Variants in UGT2B17 observed in about 807,000 individuals in gnomAD.
UGT2B17 encodes UDP glucuronosyltransferase family 2 member B17.
A neutral mutation model predicts 48.2 loss-of-function variants in UGT2B17; 21 were observed. That is an observed-to-expected ratio of 0.44 (90% CI 0.31 to 0.63). The LOEUF is 0.63. Among genes scored for constraint, UGT2B17 ranks in the 20% least tolerant of loss-of-function variants. UGT2B17 has a pLI of 0.08. For missense variants in UGT2B17, 402 were observed against 696.1 expected (o/e 0.58, Z 4.75); for synonymous variants, 146 against 238.4 (o/e 0.61, Z 3.57).
chr4:68,538,466 CCT>C (rs1185689010), intron 6 of UGT2B17, among the ~76,000 whole-genome samples: 1 of 124,638 alleles, frequency 8.0e-6, no homozygotes, highest in Admixed American at 8.3e-5. Context: ...ATCTGGAACT[CCT>C]GTGGTCTAAT....
At position 68,574,113 on chromosome 4, in the gene UGT2B17, C is replaced by G. The variant is rs1475131322; in HGVS notation, c.-65+1838G>C. 1.6e-5 allele frequency among the ~76,000 whole-genome samples: 2 copies of G among 126,638 alleles called. 1 individual carries two copies. The highest frequency in any genetic ancestry group is 3.3e-5 in the Non-Finnish European group (2 of 59,712). The allele number at this position is 126,638 out of a possible 152,430, so 83.1% of individuals were successfully genotyped here. A position where few individuals can be genotyped will look rare whatever the true frequency, so the allele number is the denominator to read the frequency against. ...TTATTGTGTAGTTGGAATATTTGAT[C>G]CATTTCAACCAGGCATTTGTAGCTT... On this transcript the variant is annotated intron_variant, in intron 1 of 6. Transcript: ENST00000317746.
rs1196562861 is a variant in UGT2B17 at position 68,540,477 on chromosome 4, C to G, written c.1314-2573G>C. 1.6e-5 allele frequency among the ~76,000 whole-genome samples: 2 copies of G among 125,538 alleles called. 1 individual carries two copies. Among genetic ancestry groups the G allele is most frequent in the African/African-American group, 5.4e-5 (2 of 36,784 alleles). 82.4% of individuals were successfully genotyped at this position (125,538 alleles called of 152,430 possible). A position where few individuals can be genotyped will look rare whatever the true frequency, so the allele number is the denominator to read the frequency against. On this transcript the variant is annotated intron_variant, in intron 6 of 6. Transcript: ENST00000317746. The stretch of plus-strand genomic sequence containing the variant: ...GAGCTGGGACTACAGGTGCACACCA[C>G]CATGCCTAGCTAATTTTTGTATTTT...
At chr4:68,573,327 G>C (rs1560583608) in intron 1 of UGT2B17, among the ~76,000 whole-genome samples, 1 of 124,028 alleles carries the variant, frequency 8.1e-6, no homozygotes, top group Non-Finnish European at 1.7e-5. Context: ...AGTGTGAAGA[G>C]TTTTGTCAGG....
intron 3 of UGT2B17, among the ~76,000 whole-genome samples, chr4:68,562,524 G>A (rs750210137): frequency 4.8e-5 from 6 of 125,268 alleles, no homozygotes; most frequent in African/African-American, 8.2e-5. Context: ...ATGTAACTTC[G>A]GTTTAATGTT....
In UGT2B17 at chr4:68,547,364, C is replaced by T. The variant is rs1375912815; in HGVS notation, c.1313+3313G>A. Among the ~76,000 whole-genome samples, 3 of 126,676 alleles carry T rather than the reference C, an allele frequency of 2.4e-5. 1 individual carries two copies. Among genetic ancestry groups the T allele is most frequent in the Non-Finnish European group, 3.3e-5 (2 of 59,732 alleles). 83.1% of individuals were successfully genotyped at this position (126,676 alleles called of 152,430 possible). ...TAATAAATGGTGCTAGGAAAACTGG[C>T]TAGCCATATGTAGAAAGCTGAAACT... is the stretch of plus-strand genomic sequence containing the variant. On this transcript the variant is annotated intron_variant, in intron 6 of 6. Coordinates refer to ENST00000317746, the MANE Select transcript of UGT2B17 (RefSeq NM_001077.4).
At chr4:68,552,606 C>G (rs1730937044) in intron 4 of UGT2B17, among the ~76,000 whole-genome samples, 1 of 125,450 alleles carries the variant, frequency 8.0e-6, no homozygotes, top group Non-Finnish European at 1.7e-5. Context: ...TGAGACCTGC[C>G]TCAGATATTC....
rs1253279509 is a variant in UGT2B17, at chr4:68,549,010, C to T, written c.1313+1667G>A. On this transcript the variant is annotated intron_variant, in intron 6 of 6. Transcript: ENST00000317746. Reference sequence around the variant, plus strand: ...AATACCCTTTATTTCTTTTTCTTGCCTGATTGCCCTAGTTCACATTTAAAT... The same window carrying T: ...AATACCCTTTATTTCTTTTTCTTGCTTGATTGCCCTAGTTCACATTTAAAT... Among the ~76,000 whole-genome samples the T allele has an allele frequency of 4.8e-5, 6 of 124,528 alleles. 2 individuals are homozygous for T. Among genetic ancestry groups the T allele is most frequent in the Non-Finnish European group, 6.8e-5 (4 of 59,074 alleles). The allele number at this position is 124,528 out of a possible 152,430, so 81.7% of individuals were successfully genotyped here. A position where few individuals can be genotyped will look rare whatever the true frequency, so the allele number is the denominator to read the frequency against.
Position 68,537,470 on chromosome 4 carries a change from T to A in UGT2B17, c.*155A>T. On this transcript the variant is annotated 3_prime_UTR_variant, in exon 7 of 7. Coordinates refer to ENST00000317746, the MANE Select transcript of UGT2B17 (RefSeq NM_001077.4). ...AGAATAATTCCAACTAAAGTACATA[T>A]TAAATTCCTGGAAAATAAATTTTGA... 3.1e-6 allele frequency: 2 copies of A among 645,090 alleles called. 1 individual carries two copies. Among genetic ancestry groups the A allele is most frequent in the Non-Finnish European group, 4.3e-6 (2 of 469,436 alleles). The allele number at this position is 645,090 out of a possible 1,614,324, so 40.0% of individuals were successfully genotyped here.
At chr4:68,537,951 C>A in intron 6 of UGT2B17, 47 bp from the exon 7 acceptor site, 1 of 1,236,010 alleles carries the variant, frequency 8.1e-7, no homozygotes, top group South Asian at 2.4e-5. Flanking sequence ...AAATTTATTG[C>A]TTAAGCATAT....
chr4:68,542,573 G>A (rs1160071246), intron 6 of UGT2B17, among the ~76,000 whole-genome samples: 3 of 126,262 alleles, frequency 2.4e-5, no homozygotes, highest in African/African-American at 8.1e-5. Context: ...CATCTCCCAG[G>A]GGACTGTCAG....
intron 6 of UGT2B17, 148 bp downstream of exon 6, chr4:68,550,529 G>T: frequency 1.7e-6 from 1 of 584,878 alleles, no homozygotes; most frequent in Non-Finnish European, 2.4e-6. Flanking sequence ...TGAAATAATT[G>T]TCTGGTGGAA....
chr4:68,545,407 T>C (rs907728352), intron 6 of UGT2B17, among the ~76,000 whole-genome samples: 1 of 124,720 alleles, frequency 8.0e-6, no homozygotes, highest in Admixed American at 8.2e-5. Flanking sequence ...CCAGAATCTC[T>C]GGGACGCATT....
At position 68,540,839 on chromosome 4, in the gene UGT2B17, C is replaced by G. The variant is rs1370271787; in HGVS notation, c.1314-2935G>C. Among the ~76,000 whole-genome samples, 3 of 124,678 alleles carry G rather than the reference C, an allele frequency of 2.4e-5. 1 individual carries two copies. The highest frequency in any genetic ancestry group is 8.2e-5 in the African/African-American group (3 of 36,402). The allele number at this position is 124,678 out of a possible 152,430, so 81.8% of individuals were successfully genotyped here. On this transcript the variant is annotated intron_variant, in intron 6 of 6. Transcript: ENST00000317746. ...GGCCCCGGTGTGTTTTGCTCCCCTC[C>G]CTGAGTCCATGTATTCTCATTTTTC...
In UGT2B17 at chr4:68,545,494, C is replaced by G. The variant is rs1457404214; in HGVS notation, c.1313+5183G>C. On this transcript the variant is annotated intron_variant, in intron 6 of 6. Coordinates refer to ENST00000317746, the MANE Select transcript of UGT2B17 (RefSeq NM_001077.4). ...GCAGGAAACATCTAAAATTGACACC[C>G]TAACGTCACAATTAAAAGAACTAGA... Among the ~76,000 whole-genome samples, 6 of 125,082 alleles carry G rather than the reference C, an allele frequency of 4.8e-5. 2 individuals carry two copies. Among genetic ancestry groups the G allele is most frequent in the South Asian group, 3.8e-4 (1 of 2,608 alleles). 82.1% of individuals were successfully genotyped at this position (125,082 alleles called of 152,430 possible).
rs1730811150 is a variant in UGT2B17, at chr4:68,546,517, A to C, written c.1313+4160T>G. On this transcript the variant is annotated intron_variant, in intron 6 of 6. Transcript: ENST00000317746. ...AGCATTCCCTTTGAAGACTGGTACA[A>C]GACAGGGATGCCCTCTCTCACCACT... 2.4e-5 allele frequency among the ~76,000 whole-genome samples: 3 copies of C among 126,360 alleles called. 1 individual carries two copies. Among genetic ancestry groups the C allele is most frequent in the Non-Finnish European group, 5.0e-5 (3 of 59,614 alleles). The allele number at this position is 126,360 out of a possible 152,430, so 82.9% of individuals were successfully genotyped here.
chr4:68,573,558 G>T lies in UGT2B17; in HGVS notation c.-65+2393C>A, dbSNP rs532721748. ...GCTTCGATTGCATCTAAATAGATGT[G>T]AGAGTTGAAAGACTTATAAGGGGCT... is the stretch of plus-strand genomic sequence containing the variant. On this transcript the variant is annotated intron_variant, in intron 1 of 6. Transcript: ENST00000317746. Among the ~76,000 whole-genome samples, 29 of 126,324 alleles carry T rather than the reference G, an allele frequency of 2.3e-4. 7 individuals are homozygous for T. The South Asian group carries it at 9.1e-3, about 40-fold the overall frequency. The allele number at this position is 126,324 out of a possible 152,430, so 82.9% of individuals were successfully genotyped here. A position where few individuals can be genotyped will look rare whatever the true frequency, so the allele number is the denominator to read the frequency against.
chr4:68,550,534 G>A, intron 6 of UGT2B17, 143 bp downstream of exon 6: 1 of 614,482 alleles, frequency 1.6e-6, no homozygotes, highest in Non-Finnish European at 2.3e-6. Context: ...TAATTGTCTG[G>A]TGGAAAATAA....
At position 68,567,309 on chromosome 4, in the gene UGT2B17, T is replaced by C. The variant is rs185533426; in HGVS notation, c.724+452A>G. ...CTCAACTGTGAAGGAATCCTTCTTA[T>C]ATGAAAAACAAAATTTAATTTCTAA... On this transcript the variant is annotated intron_variant, in intron 2 of 6. Coordinates refer to ENST00000317746, the MANE Select transcript of UGT2B17 (RefSeq NM_001077.4). Among the ~76,000 whole-genome samples, 7 of 126,374 alleles carry C rather than the reference T, an allele frequency of 5.5e-5. 1 individual carries two copies. Among genetic ancestry groups the C allele is most frequent in the African/African-American group, 1.4e-4 (5 of 36,958 alleles). 82.9% of individuals were successfully genotyped at this position (126,374 alleles called of 152,430 possible).
rs757444549 is a variant in UGT2B17, at chr4:68,537,477, C to A, written c.*148G>T. 6 of 674,294 alleles carry A rather than the reference C, an allele frequency of 8.9e-6. 1 individual carries two copies. 41.8% of individuals were successfully genotyped at this position (674,294 alleles called of 1,614,324 possible). ...TTCCAACTAAAGTACATATTAAATT[C>A]CTGGAAAATAAATTTTGACTTAACA... On this transcript the variant is annotated 3_prime_UTR_variant, in exon 7 of 7. Coordinates refer to ENST00000317746, the MANE Select transcript of UGT2B17 (RefSeq NM_001077.4).
Sources: allele counts gnomAD v4.1 joint callset (sites outside exome capture counted in the v4.1 genomes callset), GRCh38; gene constraint gnomAD v4.1.1; transcripts MANE v1.5; gene names NCBI Gene and HGNC (gene_info 2026-07-23, HGNC 2026-07-21).